Variants in ADORA2B observed in about 807,000 individuals in gnomAD.
ADORA2B encodes adenosine receptor A2b.
Under a neutral mutation model 20.8 loss-of-function variants are expected in ADORA2B, and 18 were observed. The ratio of observed to expected loss-of-function variants is 0.87; its 90% CI spans 0.60 to 1.29. The LOEUF is 1.29. Among genes scored for constraint, ADORA2B ranks in the 50% most tolerant of loss-of-function variants. The probability of loss-of-function intolerance (pLI) is 0.00; values close to 1 mark genes in which losing one functional copy is unlikely to be tolerated. For missense variants in ADORA2B, 441 were observed against 422.7 expected, an observed-to-expected ratio of 1.04 and a Z score of -0.38; for synonymous variants, 179 against 178.3, an observed-to-expected ratio of 1.00 and a Z score of -0.03.
the ADORA2B span, among the ~76,000 whole-genome samples, chr17:15,867,318 G>A: frequency 1.7e-4 from 26 of 151,970 alleles, no homozygotes; most frequent in East Asian, 5.1e-3. Context: ...CTGCCCGGCC[G>A]CCATCCCATC....
At chr17:15,904,762 T>A in the ADORA2B span, among the ~76,000 whole-genome samples, 1 of 152,248 alleles carries the variant, frequency 6.6e-6, no homozygotes, top group African/African-American at 2.4e-5. Flanking sequence ...GTTTTGGGTT[T>A]TTTTTGTTGT....
the ADORA2B span, among the ~76,000 whole-genome samples, chr17:15,890,098 C>G: frequency 2.3e-5 from 3 of 129,396 alleles, 1 homozygote; most frequent in Non-Finnish European, 4.9e-5. Context: ...CAATTGCCTT[C>G]TTAAAAGCCT....
the ADORA2B span, among the ~76,000 whole-genome samples, chr17:15,922,403 A>G: frequency 1.3e-5 from 2 of 152,352 alleles, no homozygotes; most frequent in South Asian, 4.1e-4. Context: ...CATAGAAAGC[A>G]TCCACATTCT....
the ADORA2B span, among the ~76,000 whole-genome samples, chr17:15,911,241 C>T: frequency 1.3e-5 from 2 of 152,244 alleles, no homozygotes; most frequent in African/African-American, 2.4e-5. Flanking sequence ...TGCTGCTTCA[C>T]GCAACTGTCT....
upstream of ADORA2B, among the ~76,000 whole-genome samples, chr17:15,940,496 G>A (rs1470366417): frequency 6.6e-6 from 1 of 152,198 alleles, no homozygotes; most frequent in East Asian, 1.9e-4. Context: ...GAGGCCTGGA[G>A]AGAGTCAGCT....
At chr17:15,953,301 T>C (rs79832074) in intron 1 of ADORA2B, among the ~76,000 whole-genome samples, 32 of 152,296 alleles carry the variant, frequency 2.1e-4, no homozygotes, top group Admixed American at 2.6e-4. Context: ...AGTCCATGAA[T>C]GAGTCGCATT....
the ADORA2B span, among the ~76,000 whole-genome samples, chr17:15,856,465 A>G: frequency 6.6e-6 from 1 of 152,100 alleles, no homozygotes; most frequent in Non-Finnish European, 1.5e-5. Context: ...AGAGTCAGGT[A>G]CTGCTATAAA....
chr17:15,955,720 C>CT (rs150614152), intron 1 of ADORA2B, among the ~76,000 whole-genome samples: 5,232 of 119,888 alleles, frequency 0.044, 291 homozygotes, highest in African/African-American at 0.14. Context: ...CTCTGGGATT[C>CT]TTTTTTTTTT....
chr17:15,958,284 C>T (rs1969995326), intron 1 of ADORA2B, among the ~76,000 whole-genome samples: 1 of 152,232 alleles, frequency 6.6e-6, no homozygotes, highest in Non-Finnish European at 1.5e-5. Context: ...TTCCAAAGTG[C>T]TGGGATTGCA....
chr17:15,896,022 T>G, the ADORA2B span, among the ~76,000 whole-genome samples: 27 of 152,290 alleles, frequency 1.8e-4, no homozygotes, highest in African/African-American at 5.8e-4. Context: ...CCACCTGGTA[T>G]TTTTTGGGTA....
the ADORA2B span, among the ~76,000 whole-genome samples, chr17:15,890,389 T>C: frequency 4.0e-5 from 4 of 99,422 alleles, no homozygotes; most frequent in African/African-American, 1.9e-4. Flanking sequence ...AGTCATTTGC[T>C]ATGTATATAC....
At chr17:15,880,053 G>A in the ADORA2B span, among the ~76,000 whole-genome samples, 60 of 146,846 alleles carry the variant, frequency 4.1e-4, 2 homozygotes, top group Non-Finnish European at 1.5e-5. Context: ...CCTGTTAGTT[G>A]TGCAGAAGTA....
chr17:15,873,673 C>A, the ADORA2B span, among the ~76,000 whole-genome samples: 1 of 152,154 alleles, frequency 6.6e-6, no homozygotes, highest in South Asian at 2.1e-4. Context: ...TAGGGAAATG[C>A]AAAATAAAAC....
At chr17:15,921,412 C>T in the ADORA2B span, among the ~76,000 whole-genome samples, 2 of 152,184 alleles carry the variant, frequency 1.3e-5, no homozygotes, top group Admixed American at 6.5e-5. Context: ...TCATTATCTC[C>T]TTTGAAAGTG....
chr17:15,892,904 C>G, the ADORA2B span, among the ~76,000 whole-genome samples: 2 of 152,268 alleles, frequency 1.3e-5, no homozygotes, highest in African/African-American at 4.8e-5. Flanking sequence ...ACCAGGCAAT[C>G]AAGGCAAGCG....
intron 1 of ADORA2B, among the ~76,000 whole-genome samples, chr17:15,965,976 C>T (rs929251614): frequency 1.3e-5 from 2 of 152,210 alleles, no homozygotes; most frequent in Non-Finnish European, 2.9e-5. Context: ...GAACTGCCTG[C>T]CTGGGTGTCC....
the ADORA2B span, among the ~76,000 whole-genome samples, chr17:15,916,745 G>A: frequency 6.6e-6 from 1 of 152,274 alleles, no homozygotes; most frequent in African/African-American, 2.4e-5. Flanking sequence ...TCTTTCTTTG[G>A]AGGCAGAAAT....
chr17:15,898,669 G>C, the ADORA2B span, among the ~76,000 whole-genome samples: 1 of 151,906 alleles, frequency 6.6e-6, no homozygotes, highest in African/African-American at 2.4e-5. Flanking sequence ...GCCCGGCCTT[G>C]CTTTTTAAAT....
chr17:15,881,590 T>C, the ADORA2B span, among the ~76,000 whole-genome samples: 4 of 152,248 alleles, frequency 2.6e-5, no homozygotes, highest in Non-Finnish European at 5.9e-5. Flanking sequence ...GGGAGCTTCC[T>C]ATTCCCGGTC....
Sources: allele counts gnomAD v4.1 joint callset (sites outside exome capture counted in the v4.1 genomes callset), GRCh38; gene constraint gnomAD v4.1.1; transcripts MANE v1.5; gene names NCBI Gene and HGNC (gene_info 2026-07-23, HGNC 2026-07-21).